Variants in VPS4B observed in about 807,000 individuals in gnomAD.
The protein encoded by VPS4B is vacuolar protein sorting 4 homolog B, also known as vacuolar protein sorting-associated protein 4B.
VPS4B carries 23 observed loss-of-function variants against 56.1 expected under a neutral mutation model. The observed-to-expected ratio is 0.41, with a 90% CI of 0.30 to 0.58. VPS4B has a LOEUF of 0.58. Among genes scored for constraint, VPS4B ranks in the 20% least tolerant of loss-of-function variants. VPS4B has a pLI of 0.29. For missense variants in VPS4B, 372 were observed against 531.9 expected (o/e 0.70, Z 2.96); for synonymous variants, 177 against 186.0 (o/e 0.95, Z 0.39).
intron 1 of VPS4B, chr18:63,415,467 C>A: frequency 3.3e-6 from 1 of 302,268 alleles, no homozygotes; most frequent in Non-Finnish European, 6.8e-6. Context: ...TCACTTCAGC[C>A]CCTGATGCTC....
chr18:63,420,687 A>G (rs1916277464), intron 1 of VPS4B, among the ~76,000 whole-genome samples: 1 of 152,186 alleles, frequency 6.6e-6, no homozygotes, highest in Admixed American at 6.5e-5. Context: ...TAGGACTACA[A>G]AAAGCTACAA....
At chr18:63,410,049 G>A (rs1225746100) in intron 3 of VPS4B, among the ~76,000 whole-genome samples, 3 of 152,230 alleles carry the variant, frequency 2.0e-5, no homozygotes, top group Middle Eastern at 3.4e-3. Context: ...TTTAGGTTTC[G>A]TGGGCCATAC....
intron 3 of VPS4B, among the ~76,000 whole-genome samples, 172 bp from the exon 4 acceptor site, chr18:63,407,671 G>A (rs534350840): frequency 3.9e-5 from 6 of 152,268 alleles, no homozygotes; most frequent in East Asian, 1.9e-4. Context: ...AAGCAGTCAC[G>A]TTATCATCAA....
intron 1 of VPS4B, chr18:63,416,023 T>A: frequency 4.7e-6 from 1 of 211,648 alleles, no homozygotes. Context: ...ACCAATCATC[T>A]CTTAAATCAA....
chr18:63,407,515 T>C lies in VPS4B; in HGVS notation c.297-16A>G, dbSNP rs923356148. On this transcript the variant is annotated splice_polypyrimidine_tract_variant and intron_variant, in intron 3 of 10. Transcript: ENST00000238497. The stretch of plus-strand genomic sequence containing the variant: ...ACTGTCATTCCTAATAAAAAGAATT[T>C]AATATATTCAAATGATCACTCATTG... 6 of 1,585,406 alleles carry C rather than the reference T, an allele frequency of 3.8e-6. No individual in the cohort carries two copies. Among genetic ancestry groups the C allele is most frequent in the Non-Finnish European group, 5.1e-6 (6 of 1,165,704 alleles).
intron 3 of VPS4B, 129 bp from the exon 4 acceptor site, chr18:63,407,628 T>C: frequency 4.4e-6 from 3 of 680,768 alleles, no homozygotes; most frequent in Non-Finnish European, 7.2e-6. Flanking sequence ...TTAAAAGTTA[T>C]GCTTACTTAT....
intron 4 of VPS4B, among the ~76,000 whole-genome samples, chr18:63,406,185 C>T (rs747054649): frequency 9.2e-5 from 14 of 152,170 alleles, no homozygotes; most frequent in Admixed American, 2.6e-4. Flanking sequence ...CAACTGAGTG[C>T]GCAGTGTGTG....
chr18:63,414,500 T>C (rs1410040207), intron 1 of VPS4B, among the ~76,000 whole-genome samples: 2 of 152,156 alleles, frequency 1.3e-5, no homozygotes, highest in Non-Finnish European at 2.9e-5. Flanking sequence ...AATGGCGCCA[T>C]CTTGGCTCAC....
intron 1 of VPS4B, among the ~76,000 whole-genome samples, chr18:63,421,432 T>C (rs1916299268): frequency 6.6e-6 from 1 of 152,212 alleles, no homozygotes; most frequent in Non-Finnish European, 1.5e-5. Context: ...GGCTACTCTT[T>C]TGTGCCTTAT....
chr18:63,411,259 C>A (rs1434405692), intron 2 of VPS4B, among the ~76,000 whole-genome samples: 1 of 152,148 alleles, frequency 6.6e-6, no homozygotes, highest in Non-Finnish European at 1.5e-5. Context: ...AAGATGTTTA[C>A]ATATACAAAG....
chr18:63,404,953 C>T (rs1008018041), intron 4 of VPS4B, among the ~76,000 whole-genome samples: 9 of 152,122 alleles, frequency 5.9e-5, no homozygotes, highest in East Asian at 1.9e-4. Flanking sequence ...AAATTCATTT[C>T]GTCTTTTTTA....
At chr18:63,406,905 G>A (rs1448497231) in intron 4 of VPS4B, among the ~76,000 whole-genome samples, 1 of 152,216 alleles carries the variant, frequency 6.6e-6, no homozygotes, top group East Asian at 1.9e-4. Flanking sequence ...CTGTGCTATA[G>A]TAGAACAGAA....
chr18:63,393,576 G>A, intron 9 of VPS4B, 27 bp from the exon 10 acceptor site: 2 of 1,537,232 alleles, frequency 1.3e-6, no homozygotes, highest in Non-Finnish European at 1.8e-6. Flanking sequence ...TCTGAAATAT[G>A]TATTTGAAAC....
intron 1 of VPS4B, among the ~76,000 whole-genome samples, chr18:63,418,930 C>T (rs889126176): frequency 6.6e-6 from 1 of 152,116 alleles, no homozygotes; most frequent in Non-Finnish European, 1.5e-5. Context: ...AAATATTCAC[C>T]GGACATTTCC....
At chr18:63,418,652 G>A (rs555528089) in intron 1 of VPS4B, among the ~76,000 whole-genome samples, 1 of 152,176 alleles carries the variant, frequency 6.6e-6, no homozygotes, top group East Asian at 1.9e-4. Context: ...CTGCTGCCTC[G>A]GCCTCCCAAA....
chr18:63,396,322 G>C (rs879193167), intron 9 of VPS4B: 1 of 152,078 alleles, frequency 6.6e-6, no homozygotes, highest in Admixed American at 6.6e-5. Flanking sequence ...GTGCAATCTC[G>C]GCTCACTGCA....
chr18:63,419,631 T>A (rs1322251557), intron 1 of VPS4B, among the ~76,000 whole-genome samples: 1 of 152,234 alleles, frequency 6.6e-6, no homozygotes, highest in African/African-American at 2.4e-5. Flanking sequence ...TCTCTCAACA[T>A]CTTATTGCAC....
At chr18:63,414,670 G>C (rs1393795484) in intron 1 of VPS4B, among the ~76,000 whole-genome samples, 1 of 151,852 alleles carries the variant, frequency 6.6e-6, no homozygotes, top group Non-Finnish European at 1.5e-5. Flanking sequence ...CCTGACCTCA[G>C]GTGATACACC....
rs965934959 is a variant in VPS4B at position 63,393,513 on chromosome 18, C to T, written c.1129G>A (p.Val377Ile). 22 of 1,610,328 alleles carry T rather than the reference C, an allele frequency of 1.4e-5. No individual in the cohort carries two copies. The highest frequency in any genetic ancestry group is 1.8e-5 in the Non-Finnish European group (21 of 1,178,416). Residue 377 changes from valine (V) to isoleucine (I), a missense_variant, in exon 10 of 11, where the codon GTA becomes ATA. This residue lies in a region of VPS4B where 153 missense variants were observed against 190.9 expected (regional missense o/e 0.80). Coordinates refer to ENST00000238497, the MANE Select transcript of VPS4B (RefSeq NM_004869.4). ...GPSRADPNHL[V>I]DDLLTPCSPG... ...GAGCAAGGTGTTAGCAGATCATCTA[C>T]AAGATGGTTAGGATCAGCTCGGGAA...
Sources: gnomAD v4.1 joint callset for allele counts (sites outside exome capture counted in the v4.1 genomes callset) on GRCh38, gnomAD v4.1.1 for gene constraint, gnomAD v4.1.1 regional missense constraint, MANE v1.5 for transcripts, NCBI Gene and HGNC (gene_info 2026-07-23, HGNC 2026-07-21) for gene names.